UBAC2: variants seen among roughly 807,000 people sequenced by gnomAD.
The protein encoded by UBAC2 is UBA domain containing 2.
In UBAC2, 26 loss-of-function variants were observed where a neutral mutation model predicts 44.0. The ratio of observed to expected loss-of-function variants is 0.59; its 90% CI spans 0.43 to 0.82. The LOEUF (loss-of-function observed/expected upper bound fraction) is 0.82. Ranked by LOEUF, UBAC2 falls within the 40% of genes least tolerant of loss-of-function variation. UBAC2 has a pLI of 0.00. For missense variants in UBAC2, 329 were observed against 419.4 expected (o/e 0.78, Z 1.88); for synonymous variants, 155 against 154.3 (o/e 1.00, Z -0.04).
At chr13:99,332,031 G>A (rs984394179) in intron 6 of UBAC2, among the ~76,000 whole-genome samples, 3 of 152,146 alleles carry the variant, frequency 2.0e-5, no homozygotes, top group Non-Finnish European at 4.4e-5. Flanking sequence ...TCCTTTGGCT[G>A]TTCCTTGTCA....
At chr13:99,361,259 C>G (rs534711136) in intron 7 of UBAC2, among the ~76,000 whole-genome samples, 1 of 152,278 alleles carries the variant, frequency 6.6e-6, no homozygotes, top group East Asian at 1.9e-4. Flanking sequence ...TCCTTCTTCA[C>G]TTTTAAAATA....
intron 7 of UBAC2, among the ~76,000 whole-genome samples, chr13:99,360,203 C>T (rs967913117): frequency 6.6e-6 from 1 of 152,190 alleles, no homozygotes; most frequent in African/African-American, 2.4e-5. Context: ...GGTCTTCCAT[C>T]CATCACAGCC....
intron 1 of UBAC2, among the ~76,000 whole-genome samples, chr13:99,224,847 A>C (rs1400878991): frequency 6.6e-6 from 1 of 152,242 alleles, no homozygotes; most frequent in African/African-American, 2.4e-5. Context: ...TTTTTGAGTT[A>C]AAATTTTTAC....
At chr13:99,226,740 A>G (rs2043114407) in intron 1 of UBAC2, among the ~76,000 whole-genome samples, 1 of 152,062 alleles carries the variant, frequency 6.6e-6, no homozygotes. Flanking sequence ...TGGCAGCCTT[A>G]TCATCTCTTA....
intron 7 of UBAC2, among the ~76,000 whole-genome samples, chr13:99,341,434 G>A (rs1324164166): frequency 6.8e-6 from 1 of 147,970 alleles, no homozygotes; most frequent in Non-Finnish European, 1.5e-5. Context: ...GGGGAGGAAG[G>A]GGGCAGCTTA....
chr13:99,255,149 G>T, intron 4 of UBAC2: 1 of 1,614,132 alleles, frequency 6.2e-7, no homozygotes, highest in Non-Finnish European at 8.5e-7. Context: ...AAGCAGACGA[G>T]CACCTGCACC....
At chr13:99,241,632 G>A (rs2043301028) in intron 2 of UBAC2, among the ~76,000 whole-genome samples, 1 of 152,002 alleles carries the variant, frequency 6.6e-6, no homozygotes, top group South Asian at 2.1e-4. Flanking sequence ...CTAGGATGAT[G>A]AAGAGTTCTG....
rs74560760 is a variant in UBAC2 at position 99,365,512 on chromosome 13, A to G, written c.808-2275A>G. 1.9e-3 allele frequency among the ~76,000 whole-genome samples: 289 copies of G among 152,100 alleles called. 1 individual carries two copies. The highest frequency in any genetic ancestry group is 6.8e-3 in the African/African-American group (284 of 41,508). The stretch of plus-strand genomic sequence containing the variant: ...GTAATAGTTTTATTCATTCTTAGCT[A>G]TCTTCTAATTTCCATTATGAGGATT... On this transcript the variant is annotated intron_variant, in intron 7 of 8. Transcript: ENST00000403766.
chr13:99,214,997 T>C (rs1388660857), intron 1 of UBAC2, among the ~76,000 whole-genome samples: 1 of 152,060 alleles, frequency 6.6e-6, no homozygotes, highest in Non-Finnish European at 1.5e-5. Context: ...GTTTTTTTTT[T>C]TTCTTGGGGG....
intron 7 of UBAC2, among the ~76,000 whole-genome samples, chr13:99,344,067 T>C (rs1011894743): frequency 2.6e-5 from 4 of 152,218 alleles, no homozygotes; most frequent in Non-Finnish European, 5.9e-5. Context: ...TTTCACTCTT[T>C]ATCAGTAAGA....
intron 4 of UBAC2, chr13:99,255,022 A>G (rs752922229): frequency 1.2e-6 from 2 of 1,614,200 alleles, no homozygotes; most frequent in South Asian, 1.1e-5. Context: ...GTAGTAGAGA[A>G]TCACATCCAG....
chr13:99,257,196 A>G (rs1371275348), intron 4 of UBAC2, among the ~76,000 whole-genome samples: 2 of 152,086 alleles, frequency 1.3e-5, no homozygotes, highest in Admixed American at 1.3e-4. Flanking sequence ...AACATATTAA[A>G]TTTTCCAAAT....
rs1323310003 is a variant in UBAC2 at position 99,200,983 on chromosome 13, C to T, written c.31+44C>T. On this transcript the variant is annotated intron_variant, in intron 1 of 8. Transcript: ENST00000403766. ...CATCCTGGCTGCCCCCTACACGCCA[C>T]CCTAGGCACCTCTTTGAGGAGGCTG... is the stretch of plus-strand genomic sequence containing the variant. 2.3e-6 allele frequency: 3 copies of T among 1,299,378 alleles called. No homozygotes were observed. In the African/African-American group the frequency reaches 4.6e-5, roughly 20 times the overall value. The allele number at this position is 1,299,378 out of a possible 1,614,324, so 80.5% of individuals were successfully genotyped here. A position where few individuals can be genotyped will look rare whatever the true frequency, so the allele number is the denominator to read the frequency against.
chr13:99,201,476 C>G, intron 1 of UBAC2: 2 of 1,614,210 alleles, frequency 1.2e-6, no homozygotes, highest in Non-Finnish European at 1.7e-6. Flanking sequence ...AGAGTGCTTT[C>G]AAGTGGAGGG....
At chr13:99,233,413 A>G (rs1176371373) in intron 1 of UBAC2, among the ~76,000 whole-genome samples, 1 of 152,148 alleles carries the variant, frequency 6.6e-6, no homozygotes, top group Admixed American at 6.5e-5. Context: ...ACCCGGCCTC[A>G]GATTTGGTTT....
At chr13:99,265,821 AAT>A (rs1334575406) in intron 4 of UBAC2, among the ~76,000 whole-genome samples, 1 of 152,262 alleles carries the variant, frequency 6.6e-6, no homozygotes, top group African/African-American at 2.4e-5. Context: ...CAAATAAAAT[AAT>A]GAGACAAAAA....
intron 1 of UBAC2, among the ~76,000 whole-genome samples, chr13:99,219,503 A>G (rs2043031815): frequency 6.6e-6 from 1 of 152,220 alleles, no homozygotes; most frequent in Admixed American, 6.5e-5. Context: ...CCTGCAGCCC[A>G]TGGGCCATAT....
At chr13:99,380,529 G>A (rs1423311164) in intron 8 of UBAC2, among the ~76,000 whole-genome samples, 2 of 152,164 alleles carry the variant, frequency 1.3e-5, no homozygotes, top group Non-Finnish European at 2.9e-5. Context: ...ATAAAGAAAG[G>A]ACAGCAGGGG....
chr13:99,386,369 G>A lies in UBAC2; in HGVS notation c.*1034G>A, dbSNP rs141215183. On this transcript the variant is annotated 3_prime_UTR_variant, in exon 9 of 9. Coordinates refer to ENST00000403766, the MANE Select transcript of UBAC2 (RefSeq NM_001144072.2). ...TATGTTCTGCAAAATGAGCAACGAT[G>A]TATCAAATTGATGCAAATTTAGATG... 1.6e-4 allele frequency: 25 copies of A among 152,394 alleles called. No individual in the cohort carries two copies. The highest frequency in any genetic ancestry group is 5.5e-4 in the African/African-American group (23 of 41,594). 9.4% of individuals were successfully genotyped at this position (152,394 alleles called of 1,614,324 possible).
Sources: allele counts gnomAD v4.1 joint callset (sites outside exome capture counted in the v4.1 genomes callset), GRCh38; gene constraint gnomAD v4.1.1; transcripts MANE v1.5; gene names NCBI Gene and HGNC (gene_info 2026-07-23, HGNC 2026-07-21).